SUMF1: variants seen among roughly 807,000 people sequenced by gnomAD.
SUMF1 encodes sulfatase modifying factor 1.
Under a neutral mutation model 47.6 loss-of-function variants are expected in SUMF1, and 48 were observed. That is an observed-to-expected ratio of 1.01 (90% CI 0.80 to 1.28). The LOEUF (loss-of-function observed/expected upper bound fraction) is 1.28, where lower values mean the gene tolerates loss of function less well. SUMF1 is among the 50% of genes most tolerant of loss of function. The probability of loss-of-function intolerance (pLI) is 0.00; values close to 1 mark genes in which losing one functional copy is unlikely to be tolerated. For missense variants in SUMF1, 571 were observed against 485.4 expected (o/e 1.18, Z -1.66); for synonymous variants, 230 against 192.1 (o/e 1.20, Z -1.63).
chr3:4,313,512 A>C lies in SUMF1; in HGVS notation c.1014+62818T>G, dbSNP rs887410739. On this transcript the variant is annotated intron_variant and NMD_transcript_variant, in intron 8 of 12. Transcript: ENST00000448413. ...CCAAAGATATTGTGCCAGAAGAAGAACTCTCTTATGATTATTCAGGAAGAT... is the reference window on the plus strand; with the variant it reads ...CCAAAGATATTGTGCCAGAAGAAGACCTCTCTTATGATTATTCAGGAAGAT... The C allele has an allele frequency of 2.5e-6, 4 of 1,613,782 alleles. No homozygotes were observed. In the Admixed American group the frequency reaches 6.7e-5, roughly 27 times the overall value.
At chr3:4,143,096 G>T (rs1458359457) in intron 8 of SUMF1, among the ~76,000 whole-genome samples, 1 of 152,122 alleles carries the variant, frequency 6.6e-6, no homozygotes, top group Non-Finnish European at 1.5e-5. Context: ...TTTGTGCAAG[G>T]CTGGTAGAGG....
chr3:4,316,650 C>T (rs1184854207), intron 8 of SUMF1: 4 of 1,551,086 alleles, frequency 2.6e-6, no homozygotes, highest in Admixed American at 3.9e-5. Context: ...CCACAACGAA[C>T]CATTTCTCGA....
At chr3:4,045,602 A>G (rs559616167) in intron 9 of SUMF1, among the ~76,000 whole-genome samples, 1 of 152,222 alleles carries the variant, frequency 6.6e-6, no homozygotes, top group Non-Finnish European at 1.5e-5. Context: ...AAATCGAGCT[A>G]ACAACTCCAT....
chr3:4,348,189 T>C (rs1458217798), intron 8 of SUMF1, among the ~76,000 whole-genome samples: 1 of 152,178 alleles, frequency 6.6e-6, no homozygotes, highest in Non-Finnish European at 1.5e-5. Flanking sequence ...TTAAATTTCA[T>C]ATGGAACCAA....
At chr3:4,387,942 A>G (rs1280071990) in intron 7 of SUMF1, among the ~76,000 whole-genome samples, 1 of 151,982 alleles carries the variant, frequency 6.6e-6, no homozygotes. Flanking sequence ...CACATTCTGT[A>G]TGTCTTCAAT....
At chr3:4,159,330 T>C (rs1453789574) in intron 8 of SUMF1, among the ~76,000 whole-genome samples, 3 of 151,016 alleles carry the variant, frequency 2.0e-5, no homozygotes, top group African/African-American at 4.9e-5. Context: ...GAGGTTACCA[T>C]GAAGCTTGCA....
intron 8 of SUMF1, among the ~76,000 whole-genome samples, chr3:4,254,955 G>A (rs1344622950): frequency 2.0e-4 from 31 of 152,206 alleles, no homozygotes; most frequent in African/African-American, 7.2e-4. Flanking sequence ...GGGGGGGCCA[G>A]TATTCAACAT....
intron 8 of SUMF1, among the ~76,000 whole-genome samples, chr3:4,149,799 G>A (rs1195356315): frequency 1.3e-5 from 2 of 152,112 alleles, no homozygotes; most frequent in Non-Finnish European, 2.9e-5. Flanking sequence ...TCCTAGAGGT[G>A]CCTAGAGGTA....
chr3:4,303,622 C>A (rs1055735358), intron 8 of SUMF1: 11 of 1,388,666 alleles, frequency 7.9e-6, no homozygotes, highest in Admixed American at 3.5e-5. Context: ...CAGTCGCGAC[C>A]TTTTGTCTTC....
intron 8 of SUMF1, among the ~76,000 whole-genome samples, chr3:4,341,168 GT>G (rs1699264877): frequency 6.6e-6 from 1 of 151,828 alleles, no homozygotes; most frequent in Admixed American, 6.6e-5. Flanking sequence ...TTGCCAGAAA[GT>G]ACATCAGCAT....
intron 8 of SUMF1, among the ~76,000 whole-genome samples, chr3:4,120,203 A>T (rs949016008): frequency 6.6e-6 from 1 of 151,990 alleles, no homozygotes; most frequent in African/African-American, 2.4e-5. Context: ...TTACCACTGA[A>T]CTGTGAGCTT....
chr3:4,135,684 T>A (rs1212023888), intron 8 of SUMF1, among the ~76,000 whole-genome samples: 2 of 152,164 alleles, frequency 1.3e-5, no homozygotes, highest in African/African-American at 4.8e-5. Flanking sequence ...GAAGTCAAAT[T>A]GTCCCTGTTG....
chr3:4,245,663 G>A (rs1285055718), intron 8 of SUMF1, among the ~76,000 whole-genome samples: 1 of 152,134 alleles, frequency 6.6e-6, no homozygotes, highest in Non-Finnish European at 1.5e-5. Context: ...AGCCCCTACT[G>A]GGAGGTGTCT....
At chr3:4,065,596 A>G (rs813265) in intron 9 of SUMF1, among the ~76,000 whole-genome samples, 138,308 of 152,140 alleles carry the variant, frequency 0.91, 64,143 homozygotes, top group Non-Finnish European at 1. Context: ...TTTATTTATT[A>G]AAGCAGTGCT....
At chr3:4,080,799 A>C (rs1465558550) in intron 8 of SUMF1, among the ~76,000 whole-genome samples, 1 of 152,156 alleles carries the variant, frequency 6.6e-6, no homozygotes, top group Non-Finnish European at 1.5e-5. Flanking sequence ...ATAAAAGAGC[A>C]GGTCACATAT....
chr3:4,064,309 C>T (rs1387847033), intron 9 of SUMF1, among the ~76,000 whole-genome samples: 5 of 152,218 alleles, frequency 3.3e-5, no homozygotes, highest in East Asian at 1.9e-4. Flanking sequence ...AACTATAATG[C>T]GTTAGCATGC....
At chr3:4,328,572 T>C (rs1231199652) in intron 8 of SUMF1, among the ~76,000 whole-genome samples, 1 of 152,104 alleles carries the variant, frequency 6.6e-6, no homozygotes, top group African/African-American at 2.4e-5. Context: ...ACGAGAACAG[T>C]ATGGGGGAAA....
At position 4,316,373 on chromosome 3, in the gene SUMF1, C is replaced by T. The variant is rs372856206; in HGVS notation, c.1014+59957G>A. ...TGCAGTGGTGGTTCAAGAAGTTTTG[C>T]AAAGGAGATGAGAGCCTTGAAGATG... On this transcript the variant is annotated intron_variant and NMD_transcript_variant, in intron 8 of 12. Coordinates refer to the SUMF1 transcript ENST00000448413. 1,628 of 1,549,916 alleles carry T rather than the reference C, an allele frequency of 1.1e-3. 1 individual carries two copies. The highest frequency in any genetic ancestry group is 1.1e-3 in the Admixed American group (58 of 52,172).
rs186499906 is a variant in SUMF1, at chr3:4,059,429, A to G, written c.1191+9140T>C. Among the ~76,000 whole-genome samples, 238 of 152,284 alleles carry G rather than the reference A, an allele frequency of 1.6e-3. 2 individuals are homozygous for G. Among genetic ancestry groups the G allele is most frequent in the African/African-American group, 5.6e-3 (232 of 41,560 alleles). ...AACTTAAATCCTCCAGACAACCATTAACTTTTAAAGGACATCTAAAAGTGC... is the reference window on the plus strand; with the variant it reads ...AACTTAAATCCTCCAGACAACCATTGACTTTTAAAGGACATCTAAAAGTGC... On this transcript the variant is annotated intron_variant and NMD_transcript_variant, in intron 9 of 12. Transcript: ENST00000448413.
Sources: gnomAD v4.1 joint callset for allele counts (sites outside exome capture counted in the v4.1 genomes callset) on GRCh38, gnomAD v4.1.1 for gene constraint, MANE v1.5 for transcripts, NCBI Gene and HGNC (gene_info 2026-07-23, HGNC 2026-07-21) for gene names.